The following PARP4 variants were observed in gnomAD, a reference collection of about 807,000 sequenced individuals.
PARP4 encodes the protein protein mono-ADP-ribosyltransferase PARP4.
Under a neutral mutation model 187.7 loss-of-function variants are expected in PARP4, and 120 were observed. The observed-to-expected ratio is 0.64, with a 90% CI of 0.55 to 0.74. PARP4 has a LOEUF of 0.74. Among genes scored for constraint, PARP4 ranks in the 30% least tolerant of loss-of-function variants. PARP4 has a pLI of 0.00. For missense variants in PARP4, 1,836 were observed against 2,070.5 expected (o/e 0.89, Z 2.20); for synonymous variants, 654 against 740.9 (o/e 0.88, Z 1.90).
intron 30 of PARP4, among the ~76,000 whole-genome samples, chr13:24,439,326 CAA>C (rs34752537): frequency 0.4 from 56,272 of 139,712 alleles, 11,001 homozygotes; most frequent in African/African-American, 0.47. Context: ...GACCCTGTCT[CAA>C]AAAAAAAAAA....
chr13:24,511,305 A>T (rs140153898), intron 1 of PARP4, among the ~76,000 whole-genome samples: 1 of 152,268 alleles, frequency 6.6e-6, no homozygotes, highest in East Asian at 1.9e-4. Flanking sequence ...TCCTTGTTTC[A>T]AAGTGTTCTC....
intron 1 of PARP4, among the ~76,000 whole-genome samples, chr13:24,506,772 G>A (rs1869711345): frequency 6.6e-6 from 1 of 152,230 alleles, no homozygotes; most frequent in Admixed American, 6.5e-5. Context: ...TGGATCCCAT[G>A]CCAGGGCCGC....
At chr13:24,486,774 A>C (rs971312082) in intron 10 of PARP4, among the ~76,000 whole-genome samples, 1 of 152,210 alleles carries the variant, frequency 6.6e-6, no homozygotes, top group African/African-American at 2.4e-5. Flanking sequence ...CAACATGGTG[A>C]AACCCCGTCT....
intron 31 of PARP4, 55 bp from the exon 32 acceptor site, chr13:24,431,531 G>C (rs1870334599): frequency 1.8e-6 from 2 of 1,137,032 alleles, no homozygotes; most frequent in Non-Finnish European, 2.6e-6. Context: ...TATCACATAA[G>C]AAGTTACGTA....
At chr13:24,452,688 T>C (rs938084806) in intron 23 of PARP4, 95 bp from the exon 24 acceptor site, 5 of 896,650 alleles carry the variant, frequency 5.6e-6, no homozygotes, top group Non-Finnish European at 3.4e-6. Flanking sequence ...TGTAGGGATA[T>C]GGTGACACCG....
intron 20 of PARP4, among the ~76,000 whole-genome samples, chr13:24,458,086 C>T (rs886206567): frequency 3.3e-5 from 5 of 151,118 alleles, no homozygotes; most frequent in African/African-American, 1.2e-4. Flanking sequence ...GCCTGGGCAA[C>T]ATGGTGAGAC....
intron 15 of PARP4, among the ~76,000 whole-genome samples, chr13:24,473,018 T>A (rs1444206426): frequency 6.6e-6 from 1 of 151,542 alleles, no homozygotes; most frequent in Non-Finnish European, 1.5e-5. Flanking sequence ...CTTTGCCCAT[T>A]CTAGTAATGG....
chr13:24,449,567 AGT>A, intron 25 of PARP4, 149 bp downstream of exon 25: 1 of 508,502 alleles, frequency 2.0e-6, no homozygotes, highest in African/African-American at 2.0e-5. Flanking sequence ...CCGCTGGTGC[AGT>A]CCTGAGGCAG....
intron 17 of PARP4, among the ~76,000 whole-genome samples, chr13:24,464,924 C>A (rs745923482): frequency 6.6e-6 from 1 of 151,576 alleles, no homozygotes; most frequent in Non-Finnish European, 1.5e-5. Flanking sequence ...CCAGAATCTA[C>A]AAGGAACTTA....
At position 24,452,599 on chromosome 13, in the gene PARP4, G is replaced by A; in HGVS notation, c.2827-6C>T. ...CCCATGGTAGGTGTGGCAGACTGGAGGAAATGAAGTGAAAGATTATGTTCT... is the reference window on the plus strand; with the variant it reads ...CCCATGGTAGGTGTGGCAGACTGGAAGAAATGAAGTGAAAGATTATGTTCT... On this transcript the variant is annotated splice_polypyrimidine_tract_variant and splice_region_variant and intron_variant, in intron 23 of 33. Transcript: ENST00000381989. The A allele has an allele frequency of 6.2e-7, 1 of 1,607,190 alleles. No individual in the cohort carries two copies. Among genetic ancestry groups the A allele is most frequent in the Non-Finnish European group, 8.5e-7 (1 of 1,176,060 alleles).
Position 24,453,581 on chromosome 13 carries a change from A to C in PARP4, c.2826+6T>G. ...CCAGGAGATACAGGAAGCCTCTTGC[A>C]CTCACCATGATGAACTCTGCTGCCA... On this transcript the variant is annotated splice_donor_region_variant and intron_variant, in intron 23 of 33. Coordinates refer to ENST00000381989, the MANE Select transcript of PARP4 (RefSeq NM_006437.4). 1 of 1,566,952 alleles carries C rather than the reference A, an allele frequency of 6.4e-7. No individual in the cohort carries two copies. Among genetic ancestry groups the C allele is most frequent in the Non-Finnish European group, 8.8e-7 (1 of 1,137,242 alleles).
chr13:24,507,742 T>C (rs1004733094), intron 1 of PARP4, among the ~76,000 whole-genome samples: 5 of 152,240 alleles, frequency 3.3e-5, no homozygotes, highest in Admixed American at 2.6e-4. Flanking sequence ...AAATACAAAT[T>C]GCTTATCATG....
chr13:24,504,245 C>T (rs1304424613), intron 1 of PARP4, among the ~76,000 whole-genome samples: 1 of 149,304 alleles, frequency 6.7e-6, no homozygotes, highest in South Asian at 2.1e-4. Flanking sequence ...TAAAAATATA[C>T]AACTATGTTT....
chr13:24,489,048 T>C (rs1005633787), intron 10 of PARP4, among the ~76,000 whole-genome samples: 10 of 152,360 alleles, frequency 6.6e-5, no homozygotes, highest in South Asian at 2.1e-4. Flanking sequence ...CACTTCCCTG[T>C]TGATGAACAT....
chr13:24,490,349 A>G (rs900221955), intron 10 of PARP4, among the ~76,000 whole-genome samples: 3 of 152,212 alleles, frequency 2.0e-5, no homozygotes, highest in African/African-American at 7.2e-5. Context: ...ATTCCTGCAC[A>G]TTTAAATCAG....
At chr13:24,466,988 A>C (rs779292813) in intron 17 of PARP4, among the ~76,000 whole-genome samples, 3 of 152,170 alleles carry the variant, frequency 2.0e-5, no homozygotes, top group Non-Finnish European at 4.4e-5. Context: ...AATAAAAATG[A>C]CCTAAACAAT....
intron 17 of PARP4, 50 bp from the exon 18 acceptor site, chr13:24,460,186 A>AG (rs754571359): frequency 8.0e-6 from 12 of 1,495,376 alleles, no homozygotes; most frequent in Non-Finnish European, 1.1e-5. Flanking sequence ...CATACCCATT[A>AG]TATGCCAGCT....
intron 12 of PARP4, among the ~76,000 whole-genome samples, chr13:24,479,708 A>G (rs1873167566): frequency 6.6e-6 from 1 of 152,198 alleles, no homozygotes; most frequent in African/African-American, 2.4e-5. Flanking sequence ...TACTCTACCA[A>G]TCAGCAGGAT....
intron 9 of PARP4, among the ~76,000 whole-genome samples, chr13:24,491,144 G>C (rs963172719): frequency 6.7e-6 from 1 of 150,288 alleles, no homozygotes; most frequent in Admixed American, 6.6e-5. Context: ...TTTTTAGATG[G>C]AGTTTTGCTC....
Sources: allele counts gnomAD v4.1 joint callset (sites outside exome capture counted in the v4.1 genomes callset), GRCh38; gene constraint gnomAD v4.1.1; transcripts MANE v1.5; gene names NCBI Gene and HGNC (gene_info 2026-07-23, HGNC 2026-07-21).